EDAR: variants seen among roughly 807,000 people sequenced by gnomAD.
The protein encoded by EDAR is ectodysplasin A receptor.
In EDAR, 38 loss-of-function variants were observed where a neutral mutation model predicts 51.3. The observed-to-expected ratio is 0.74, with a 90% CI of 0.57 to 0.97. The LOEUF (loss-of-function observed/expected upper bound fraction) is 0.97. EDAR is among the 50% of genes least tolerant of loss of function. The pLI, the probability that EDAR is intolerant of heterozygous loss-of-function variation, is 0.00. For missense variants in EDAR, 528 were observed against 595.0 expected (o/e 0.89, Z 1.17); for synonymous variants, 227 against 242.1 (o/e 0.94, Z 0.58).
rs541949436 is a variant in EDAR at position 108,915,915 on chromosome 2, T to A, written c.443-3151A>T. ...TCCATCTCAAAAAAAAAATAAAAAA[T>A]AAATAAAAATAAAAAAAGAGCTGGT... is the stretch of plus-strand genomic sequence containing the variant. On this transcript the variant is annotated intron_variant, in intron 5 of 11. Coordinates refer to ENST00000258443, the MANE Select transcript of EDAR (RefSeq NM_022336.4). Among the ~76,000 whole-genome samples the A allele has an allele frequency of 3.4e-3, 508 of 151,428 alleles. 2 individuals carry two copies. The highest frequency in any genetic ancestry group is 0.011 in the African/African-American group (472 of 41,334).
intron 1 of EDAR, among the ~76,000 whole-genome samples, chr2:108,941,910 TCAGGTCACAGCTGACAAAGCTCTGCTGCA>T (rs1412104939): frequency 1.3e-5 from 2 of 151,930 alleles, no homozygotes; most frequent in African/African-American, 4.8e-5. Context: ...TGGGAGCTTA[TCAGGTCACAGCTGACAAAGCTCTGCTGCA>T]CAGAGAGGCC....
intron 11 of EDAR, among the ~76,000 whole-genome samples, chr2:108,900,927 A>G (rs1696686569): frequency 1.3e-5 from 2 of 152,208 alleles, no homozygotes; most frequent in Non-Finnish European, 2.9e-5. Flanking sequence ...GAAAGAAGAG[A>G]TAAGTCCACA....
At chr2:108,976,234 T>A (rs1457511224) in intron 1 of EDAR, among the ~76,000 whole-genome samples, 1 of 152,230 alleles carries the variant, frequency 6.6e-6, no homozygotes, top group Non-Finnish European at 1.5e-5. Flanking sequence ...TTGTTTTTGA[T>A]GACTCAGAAG....
chr2:108,971,089 T>C (rs1214877045), intron 1 of EDAR, among the ~76,000 whole-genome samples: 1 of 151,942 alleles, frequency 6.6e-6, no homozygotes, highest in Non-Finnish European at 1.5e-5. Context: ...CACTGGGGGA[T>C]TCTTCACCCC....
At chr2:108,947,117 A>C (rs1697728571) in intron 1 of EDAR, among the ~76,000 whole-genome samples, 1 of 152,202 alleles carries the variant, frequency 6.6e-6, no homozygotes, top group Non-Finnish European at 1.5e-5. Flanking sequence ...GCCAAAACAA[A>C]GGGGCCATAG....
In EDAR at chr2:108,910,751, T is replaced by C. The variant is rs948939371; in HGVS notation, c.730+25A>G. 9 of 1,611,312 alleles carry C rather than the reference T, an allele frequency of 5.6e-6. No homozygotes were observed. The African/African-American group carries it at 9.4e-5, about 17-fold the overall frequency. ...CCAGAGATGGGCACCGTGCACATGG[T>C]GTGTGGAAGCCCTGGTTCACAGACC... On this transcript the variant is annotated intron_variant, in intron 8 of 11. Coordinates refer to ENST00000258443, the MANE Select transcript of EDAR (RefSeq NM_022336.4).
intron 1 of EDAR, 47 bp from the exon 2 acceptor site, chr2:108,931,079 C>T: frequency 2.6e-6 from 4 of 1,549,078 alleles, no homozygotes; most frequent in Non-Finnish European, 3.6e-6. Flanking sequence ...AGCACCCCAG[C>T]CGGGGGTCTG....
chr2:108,935,678 A>G (rs1263464468), intron 1 of EDAR, among the ~76,000 whole-genome samples: 1 of 152,138 alleles, frequency 6.6e-6, no homozygotes. Context: ...TCTGCACTAG[A>G]CACCGATTCC....
intron 5 of EDAR, among the ~76,000 whole-genome samples, chr2:108,921,088 C>T (rs1697128897): frequency 6.6e-6 from 1 of 152,196 alleles, no homozygotes. Flanking sequence ...CAGGGTGCTC[C>T]CCTGCGAATC....
At chr2:108,926,458 T>G (rs1331846293) in intron 4 of EDAR, among the ~76,000 whole-genome samples, 1 of 152,196 alleles carries the variant, frequency 6.6e-6, no homozygotes, top group African/African-American at 2.4e-5. Context: ...AGGACTCTCA[T>G]GCCTGTAAGG....
rs1319882744 is a variant in EDAR at position 108,894,628 on chromosome 2, A to ATATC, written c.*2275_*2278dup. 1.3e-5 allele frequency: 2 copies of ATATC among 152,632 alleles called. No homozygotes were observed. Among genetic ancestry groups the ATATC allele is most frequent in the Non-Finnish European group, 2.9e-5 (2 of 68,042 alleles). 9.5% of individuals were successfully genotyped at this position (152,632 alleles called of 1,614,324 possible). A position where few individuals can be genotyped will look rare whatever the true frequency, so the allele number is the denominator to read the frequency against. Reference sequence around the variant, plus strand: ...GTTTTAAAGTATTGCAGAATTATGAATATCTCCACACAAAAATGGCAGGAT... The same window carrying ATATC: ...GTTTTAAAGTATTGCAGAATTATGAATATCTATCTCCACACAAAAATGGCAGGAT... On this transcript the variant is annotated 3_prime_UTR_variant, in exon 12 of 12. Transcript: ENST00000258443.
intron 11 of EDAR, among the ~76,000 whole-genome samples, chr2:108,903,433 G>C (rs260640): frequency 0.72 from 109,603 of 151,870 alleles, 42,051 homozygotes; most frequent in East Asian, 0.95. Flanking sequence ...ATAGCTAAAA[G>C]ATTTTTGAAA....
At chr2:108,933,303 T>A (rs1006178383) in intron 1 of EDAR, among the ~76,000 whole-genome samples, 1 of 152,212 alleles carries the variant, frequency 6.6e-6, no homozygotes, top group Non-Finnish European at 1.5e-5. Context: ...CATTCACTTT[T>A]TATTTTATGC....
At chr2:108,921,025 C>T (rs189487890) in intron 5 of EDAR, among the ~76,000 whole-genome samples, 10 of 152,288 alleles carry the variant, frequency 6.6e-5, no homozygotes, top group Admixed American at 4.6e-4. Context: ...TCTGGCTCAC[C>T]CAGACCTGAT....
At chr2:108,918,808 G>C (rs928870156) in intron 5 of EDAR, among the ~76,000 whole-genome samples, 3 of 152,208 alleles carry the variant, frequency 2.0e-5, no homozygotes, top group Non-Finnish European at 4.4e-5. Flanking sequence ...GTATGCATTA[G>C]AGGCTGGCTG....
intron 1 of EDAR, among the ~76,000 whole-genome samples, chr2:108,942,271 A>G (rs1014377358): frequency 2.6e-5 from 4 of 152,246 alleles, no homozygotes; most frequent in African/African-American, 9.6e-5. Context: ...CTAAGGTCAC[A>G]CAGACAGAGG....
intron 1 of EDAR, among the ~76,000 whole-genome samples, chr2:108,962,518 A>T (rs557145190): frequency 6.6e-6 from 1 of 151,530 alleles, no homozygotes; most frequent in East Asian, 2.0e-4. Context: ...CTAAAAATAC[A>T]AAAAAAATTA....
chr2:108,946,878 G>T (rs1009224115), intron 1 of EDAR, among the ~76,000 whole-genome samples: 1 of 146,658 alleles, frequency 6.8e-6, no homozygotes, highest in African/African-American at 2.6e-5. Context: ...TCCGCCCCTG[G>T]TCCCTCCCAA....
At chr2:108,965,485 T>C (rs1366187240) in intron 1 of EDAR, among the ~76,000 whole-genome samples, 1 of 143,090 alleles carries the variant, frequency 7.0e-6, no homozygotes. Flanking sequence ...AAAAAGATAA[T>C]AAATGACCCA....
Sources: allele counts gnomAD v4.1 joint callset (sites outside exome capture counted in the v4.1 genomes callset), GRCh38; gene constraint gnomAD v4.1.1; transcripts MANE v1.5; gene names NCBI Gene and HGNC (gene_info 2026-07-23, HGNC 2026-07-21).